The following CTSF variants were observed in gnomAD, a reference collection of about 807,000 sequenced individuals.
The protein encoded by CTSF is cathepsin F.
Under a neutral mutation model 63.5 loss-of-function variants are expected in CTSF, and 65 were observed. The ratio of observed to expected loss-of-function variants is 1.02; its 90% CI spans 0.84 to 1.26. CTSF has a LOEUF of 1.26. Among genes scored for constraint, CTSF ranks in the 50% most tolerant of loss-of-function variants. The pLI is 0.00. For synonymous variants in CTSF, 256 were observed against 258.1 expected, an observed-to-expected ratio of 0.99 and a Z score of 0.08; for missense variants, 641 against 631.0, an observed-to-expected ratio of 1.02 and a Z score of -0.17.
Position 66,566,390 on chromosome 11 carries a change from G to T in CTSF, c.622C>A (p.Leu208Met). The change falls in exon 5 of 13, where the codon CTG (leucine) becomes ATG (methionine). Residue 208 changes from leucine to methionine, a missense_variant. Leu to Met is a conservative substitution (Grantham distance 15). Coordinates refer to ENST00000310325, the MANE Select transcript of CTSF (RefSeq NM_003793.4). ...YESKEEARWR[L>M]SVFVNNMVRA... ...ACCATGTTATTGACAAAGACGGACA[G>T]GCGCCACCGGGCTTCTGAGGACCAA... 2 of 1,614,068 alleles carry T rather than the reference G, an allele frequency of 1.2e-6. No homozygotes were observed. The highest frequency in any genetic ancestry group is 2.2e-5 in the South Asian group (2 of 91,082).
Position 66,564,838 on chromosome 11 carries a change from C to T in CTSF, c.1166-32G>A, listed in dbSNP as rs549857580. 2.5e-5 allele frequency: 40 copies of T among 1,614,150 alleles called. 1 individual carries two copies. The South Asian group carries it at 4.0e-4, about 16-fold the overall frequency. ...TGGGAAGGGGTGGCATCAGTAGGCA[C>T]CCAGGCCCCGGCCCCACCTGACCTC... On this transcript the variant is annotated intron_variant, in intron 9 of 12. Transcript: ENST00000310325.
rs764755120 is a variant in CTSF at position 66,566,073 on chromosome 11, T to C, written c.816A>G (p.Pro272=). The part of the protein sequence containing the change: ...KQAKSVGDLA[P]PEWDWRSKGA... ...CCTTACTCCTCCAGTCCCATTCAGG[T>C]GGGGCGAGGTCACCCACAGACTTGG... The change falls in exon 6 of 13, where the codon CCA becomes CCG. Residue 272 remains proline (P), a synonymous_variant. Transcript: ENST00000310325. The C allele has an allele frequency of 7.4e-6, 12 of 1,614,130 alleles. No homozygotes were observed. Among genetic ancestry groups the C allele is most frequent in the Middle Eastern group, 1.7e-4 (1 of 6,060 alleles).
In CTSF at chr11:66,568,421, G is replaced by T; in HGVS notation, c.66C>A (p.Ala22=). ...GLLPGAVAAP[A]QPRAASFQAW... Reference sequence around the variant, plus strand: ...CCTGAAAGCTGGCGGCTCGGGGCTGGGCGGGGGCGGCCACTGCGCCCGGGA... The same window carrying T: ...CCTGAAAGCTGGCGGCTCGGGGCTGTGCGGGGGCGGCCACTGCGCCCGGGA... Residue 22 remains alanine, a synonymous_variant, in exon 1 of 13, where the codon GCC becomes GCA. Transcript: ENST00000310325. 1 of 1,363,780 alleles carries T rather than the reference G, an allele frequency of 7.3e-7. No homozygotes were observed. The allele number at this position is 1,363,780 out of a possible 1,614,324, so 84.5% of individuals were successfully genotyped here.
rs751834567 is a variant in CTSF at position 66,567,663 on chromosome 11, C to G, written c.313-1G>C. On this transcript the variant is annotated splice_acceptor_variant, in intron 2 of 12. Coordinates refer to ENST00000310325, the MANE Select transcript of CTSF (RefSeq NM_003793.4). LOFTEE classifies it high-confidence loss of function. ...CATCCAGGACTTGGAAGCTGCAGAG[C>G]TGGAGGGAGAGGAAGAAGCTGCTCT... 1 of 1,612,282 alleles carries G rather than the reference C, an allele frequency of 6.2e-7. No homozygotes were observed. Among genetic ancestry groups the G allele is most frequent in the East Asian group, 2.2e-5 (1 of 44,854 alleles).
At chr11:66,566,585 G>A (rs977877906) in intron 4 of CTSF, among the ~76,000 whole-genome samples, 181 bp from the exon 5 acceptor site, 6 of 152,140 alleles carry the variant, frequency 3.9e-5, no homozygotes, top group African/African-American at 1.2e-4. Context: ...GACTTCCCAG[G>A]TGCAAAAGCA....
At position 66,564,102 on chromosome 11, in the gene CTSF, C is replaced by T; in HGVS notation, c.1366G>A (p.Asp456Asn). 1 of 1,613,588 alleles carries T rather than the reference C, an allele frequency of 6.2e-7. No homozygotes were observed. Among genetic ancestry groups the T allele is most frequent in the South Asian group, 1.1e-5 (1 of 90,960 alleles). The stretch of plus-strand genomic sequence containing the variant: ...GCAAGACTCACCTTCTCACCCCAGT[C>T]AGTGCCCCAGCTGTTCTTGATGGCC... ...FWAIKNSWGT[D>N]WGEKGYYYLH... is the part of the protein sequence containing the mutation. The change falls in exon 12 of 13, where the codon GAC becomes AAC. Residue 456 changes from aspartate (D) to asparagine (N), a missense_variant. Transcript: ENST00000310325.
chr11:66,565,020 G>A lies in CTSF; in HGVS notation c.1046-14C>T. The A allele has an allele frequency of 5.2e-6, 8 of 1,541,238 alleles. No homozygotes were observed. Among genetic ancestry groups the A allele is most frequent in the Non-Finnish European group, 7.0e-6 (8 of 1,141,880 alleles). On this transcript the variant is annotated splice_polypyrimidine_tract_variant and intron_variant, in intron 8 of 12. Coordinates refer to ENST00000310325, the MANE Select transcript of CTSF (RefSeq NM_003793.4). ...TCTCCAGCCCTCCTGGGGAACGGTG[G>A]GGGTGAGTAGAGAAGGGCAGGCTCC...
At position 66,567,497 on chromosome 11, in the gene CTSF, T is replaced by C. The variant is rs772366380; in HGVS notation, c.478A>G (p.Asn160Asp). The C allele has an allele frequency of 1.9e-6, 3 of 1,614,190 alleles. No homozygotes were observed. Among genetic ancestry groups the C allele is most frequent in the Non-Finnish European group, 2.5e-6 (3 of 1,180,042 alleles). Residue 160 changes from asparagine to aspartate, a missense_variant, in exon 3 of 13, where the codon AAC (asparagine) becomes GAC (aspartate). Physicochemically the swap from Asn to Asp is conservative, Grantham distance 23 (BLOSUM62 1). Coordinates refer to ENST00000310325, the MANE Select transcript of CTSF (RefSeq NM_003793.4). ...GAAATGACTGAGCTGAAAGTCTCGT[T>C]TCTGTTGTCTGGATGGTTTTGGGAC... ...SLSQNHPDNR[N>D]ETFSSVISLL...
intron 6 of CTSF, 42 bp downstream of exon 6, chr11:66,565,980 A>G: frequency 6.2e-7 from 1 of 1,614,032 alleles, no homozygotes; most frequent in Non-Finnish European, 8.5e-7. Flanking sequence ...CGTCAGCCCC[A>G]GTGCAGTGCC....
intron 5 of CTSF, 61 bp from the exon 6 acceptor site, chr11:66,566,228 A>C: frequency 6.2e-7 from 1 of 1,613,758 alleles, no homozygotes; most frequent in Non-Finnish European, 8.5e-7. Flanking sequence ...ACCTGACCAG[A>C]GGCCTTGCGA....
chr11:66,567,077 T>G (rs1590816621), intron 4 of CTSF, among the ~76,000 whole-genome samples, 169 bp downstream of exon 4: 1 of 152,012 alleles, frequency 6.6e-6, no homozygotes. Flanking sequence ...AGGGGCCAGG[T>G]ACTCAGGGTG....
Position 66,563,590 on chromosome 11 carries a change from G to C in CTSF, c.*343C>G. The stretch of plus-strand genomic sequence containing the variant: ...TTTATAGTATCAAACAGAGGAAAGC[G>C]GGGGCAGAACAGAGCTGGGCTTAAG... On this transcript the variant is annotated 3_prime_UTR_variant, in exon 13 of 13. Transcript: ENST00000310325. The C allele has an allele frequency of 4.1e-6, 2 of 490,338 alleles. No homozygotes were observed. Among genetic ancestry groups the C allele is most frequent in the Non-Finnish European group, 7.3e-6 (2 of 273,544 alleles). 30.4% of individuals were successfully genotyped at this position (490,338 alleles called of 1,614,324 possible). A position where few individuals can be genotyped will look rare whatever the true frequency, so the allele number is the denominator to read the frequency against.
intron 4 of CTSF, among the ~76,000 whole-genome samples, chr11:66,566,951 C>A (rs1186262785): frequency 6.6e-6 from 1 of 152,028 alleles, no homozygotes; most frequent in Non-Finnish European, 1.5e-5. Flanking sequence ...TGGTCTTGAA[C>A]TCCTGACCTC....
chr11:66,563,921 G>C lies in CTSF; in HGVS notation c.*12C>G. 6.2e-7 allele frequency: 1 copy of C among 1,611,844 alleles called. No homozygotes were observed. Among genetic ancestry groups the C allele is most frequent in the Non-Finnish European group, 8.5e-7 (1 of 1,179,944 alleles). Reference sequence around the variant, plus strand: ...TCTGATCAGCACCAGGTCCCGAGCTGGGGGCCCCTCTTCAGTCCACCACCG... The same window carrying C: ...TCTGATCAGCACCAGGTCCCGAGCTCGGGGCCCCTCTTCAGTCCACCACCG... On this transcript the variant is annotated 3_prime_UTR_variant, in exon 13 of 13. Transcript: ENST00000310325.
rs759562924 is a variant in CTSF at position 66,563,664 on chromosome 11, C to T, written c.*269G>A. ...ATTACCCAAGCCCAGAGTTCTTGCCCCAGCTTCAACTGCCAAGATACCACC... is the reference window on the plus strand; with the variant it reads ...ATTACCCAAGCCCAGAGTTCTTGCCTCAGCTTCAACTGCCAAGATACCACC... On this transcript the variant is annotated 3_prime_UTR_variant, in exon 13 of 13. Coordinates refer to ENST00000310325, the MANE Select transcript of CTSF (RefSeq NM_003793.4). The T allele has an allele frequency of 2.2e-4, 127 of 578,820 alleles. No homozygotes were observed. Among genetic ancestry groups the T allele is most frequent in the Non-Finnish European group, 3.4e-4 (110 of 325,504 alleles). The allele number at this position is 578,820 out of a possible 1,614,324, so 35.9% of individuals were successfully genotyped here.
chr11:66,564,138 C>G lies in CTSF; in HGVS notation c.1330G>C (p.Val444Leu). 3 of 1,611,954 alleles carry G rather than the reference C, an allele frequency of 1.9e-6. No individual in the cohort carries two copies. Among genetic ancestry groups the G allele is most frequent in the Non-Finnish European group, 1.7e-6 (2 of 1,179,166 alleles). Reference sequence around the variant, plus strand: ...CTGTTCTTGATGGCCCAAAAGGGAACGTCAGAGCCTGGGGTGCAGTGCAGA... The same window carrying G: ...CTGTTCTTGATGGCCCAAAAGGGAAGGTCAGAGCCTGGGGTGCAGTGCAGA... ...LLVGYGNRSD[V>L]PFWAIKNSWG... is the part of the protein sequence containing the mutation. Residue 444 changes from valine (V) to leucine (L), a missense_variant, in exon 12 of 13, where the codon GTT (valine) becomes CTT (leucine). Physicochemically the swap from Val to Leu is conservative, Grantham distance 32. Transcript: ENST00000310325.
At chr11:66,566,960 T>G (rs550857727) in intron 4 of CTSF, among the ~76,000 whole-genome samples, 18 of 152,106 alleles carry the variant, frequency 1.2e-4, no homozygotes, top group African/African-American at 3.1e-4. Context: ...ACTCCTGACC[T>G]CAGGTAATCT....
At chr11:66,567,814 G>C in intron 2 of CTSF, 152 bp from the exon 3 acceptor site, 1 of 1,363,646 alleles carries the variant, frequency 7.3e-7, no homozygotes, top group African/African-American at 1.5e-5. Context: ...CCTGCACCGG[G>C]GCATCCTCCC....
rs768809245 is a variant in CTSF at position 66,563,946 on chromosome 11, G to A, written c.1442C>T (p.Ala481Val). The change falls in exon 13 of 13, where the codon GCG becomes GTG. Residue 481 changes from alanine (A) to valine (V), a missense_variant. Transcript: ENST00000310325. ...GGGGGCCCCTCTTCAGTCCACCACC[G>A]CCGAGCTGGCCATGGTGTTCACGCC... ...ACGVNTMASS[A>V]VVD 39 of 1,612,978 alleles carry A rather than the reference G, an allele frequency of 2.4e-5. No individual in the cohort carries two copies. Among genetic ancestry groups the A allele is most frequent in the Admixed American group, 6.7e-5 (4 of 60,018 alleles).
Sources: gnomAD v4.1 joint callset for allele counts (sites outside exome capture counted in the v4.1 genomes callset) on GRCh38, gnomAD v4.1.1 for gene constraint, MANE v1.5 for transcripts, NCBI Gene and HGNC (gene_info 2026-07-23, HGNC 2026-07-21) for gene names.